Variants in NRF1 observed in about 807,000 individuals in gnomAD.
NRF1 encodes the protein nuclear respiratory factor 1.
A neutral mutation model predicts 58.5 loss-of-function variants in NRF1; 5 were observed. The observed-to-expected ratio is 0.09, with a 90% confidence interval of 0.04 to 0.18. NRF1 has a LOEUF of 0.18. NRF1 is among the 10% of genes least tolerant of loss of function. NRF1 has a pLI of 1.00. For synonymous variants in NRF1, 224 were observed against 246.7 expected, an observed-to-expected ratio of 0.91 and a Z score of 0.86; for missense variants, 288 against 657.7, an observed-to-expected ratio of 0.44 and a Z score of 6.15.
intron 8 of NRF1, 57 bp from the exon 9 acceptor site, chr7:129,717,162 T>C: frequency 1.3e-6 from 2 of 1,518,982 alleles, no homozygotes; most frequent in Non-Finnish European, 1.8e-6. Context: ...AAAAATTACT[T>C]GTAAAATTGT....
chr7:129,682,081 C>CA (rs1362136184), intron 4 of NRF1, among the ~76,000 whole-genome samples: 1 of 57,644 alleles, frequency 1.7e-5, no homozygotes, highest in African/African-American at 3.4e-5. Flanking sequence ...GACCCTGTCT[C>CA]AATCAGTTAG....
chr7:129,713,793 GAA>G (rs1803129121), intron 8 of NRF1, among the ~76,000 whole-genome samples: 1 of 152,200 alleles, frequency 6.6e-6, no homozygotes, highest in South Asian at 2.1e-4. Flanking sequence ...ATTGTCTCAG[GAA>G]ACACTTCCCA....
At chr7:129,685,116 T>A (rs536076748) in intron 4 of NRF1, among the ~76,000 whole-genome samples, 27 of 152,202 alleles carry the variant, frequency 1.8e-4, no homozygotes, top group South Asian at 6.2e-4. Flanking sequence ...GTAGAAAATT[T>A]AAAAAAAAAT....
rs924498676 is a variant in NRF1 at position 129,636,774 on chromosome 7, A to G, written c.-6-20572A>G. ...GTTTGTGTTGCTTCGATAGATACGT[A>G]TGGCTAAACATAAACCTTAGACAAT... On this transcript the variant is annotated intron_variant, in intron 1 of 10. Transcript: ENST00000393232. 1.9e-4 allele frequency among the ~76,000 whole-genome samples: 29 copies of G among 152,184 alleles called. 1 individual carries two copies. The highest frequency in any genetic ancestry group is 7.0e-4 in the African/African-American group (29 of 41,436).
intron 1 of NRF1, among the ~76,000 whole-genome samples, chr7:129,634,987 C>T (rs73466651): frequency 0.017 from 2,525 of 152,028 alleles, 65 homozygotes; most frequent in African/African-American, 0.058. Context: ...TTTCCTTTTC[C>T]ATGTGTTTTT....
chr7:129,630,604 G>A (rs1214025401), intron 1 of NRF1, among the ~76,000 whole-genome samples: 1 of 152,148 alleles, frequency 6.6e-6, no homozygotes, highest in African/African-American at 2.4e-5. Flanking sequence ...TGCTTTCTAA[G>A]TAATATGTTG....
intron 10 of NRF1, among the ~76,000 whole-genome samples, chr7:129,729,831 CTTTTTG>C (rs773273865): frequency 2.0e-5 from 3 of 152,028 alleles, no homozygotes; most frequent in South Asian, 2.1e-4. Flanking sequence ...TTTGTTGCTT[CTTTTTG>C]TTTTTGTTTT....
Position 129,674,874 on chromosome 7 carries a change from G to A in NRF1, c.339-2758G>A, listed in dbSNP as rs62489296. Among the ~76,000 whole-genome samples the A allele has an allele frequency of 6.0e-3, 906 of 152,218 alleles. 2 individuals are homozygous for A. Among genetic ancestry groups the A allele is most frequent in the Non-Finnish European group, 8.2e-3 (556 of 68,008 alleles). On this transcript the variant is annotated intron_variant, in intron 3 of 10. Coordinates refer to ENST00000393232, the MANE Select transcript of NRF1 (RefSeq NM_005011.5). ...GGTGGTTGTTGCTGAAGGTTGGGGT[G>A]GCTGCGGCAATTTCTTAAAAATAAT...
chr7:129,708,601 C>T (rs1803003607), intron 5 of NRF1, among the ~76,000 whole-genome samples: 1 of 152,116 alleles, frequency 6.6e-6, no homozygotes, highest in African/African-American at 2.4e-5. Context: ...CATTTGATCT[C>T]TTTGGAATTC....
chr7:129,682,253 G>T (rs1370852577), intron 4 of NRF1, among the ~76,000 whole-genome samples: 2 of 152,114 alleles, frequency 1.3e-5, no homozygotes, highest in Non-Finnish European at 2.9e-5. Flanking sequence ...GAGGCCAGGA[G>T]TTTGAGACCA....
chr7:129,714,299 T>TA (rs767674677), intron 8 of NRF1, among the ~76,000 whole-genome samples: 13 of 152,226 alleles, frequency 8.5e-5, no homozygotes, highest in Non-Finnish European at 1.5e-4. Flanking sequence ...AATATAGTTG[T>TA]AACTAAAAGT....
In NRF1 at chr7:129,668,720, G is replaced by A. The variant is rs61331024; in HGVS notation, c.224-2709G>A. Among the ~76,000 whole-genome samples, 3,170 of 152,276 alleles carry A rather than the reference G, an allele frequency of 0.021. 242 individuals are homozygous for A. In the East Asian group the frequency reaches 0.26, roughly 12 times the overall value. On this transcript the variant is annotated intron_variant, in intron 2 of 10. Coordinates refer to ENST00000393232, the MANE Select transcript of NRF1 (RefSeq NM_005011.5). ...TGAATCTAGAAACATTATTCTAAGT[G>A]AAGTTTTAAGTGAAAGAGTATTACT...
In NRF1 at chr7:129,639,640, T is replaced by C. The variant is rs980731130; in HGVS notation, c.-6-17706T>C. Among the ~76,000 whole-genome samples, 15 of 149,680 alleles carry C rather than the reference T, an allele frequency of 1.0e-4. No homozygotes were observed. In the East Asian group the frequency reaches 2.8e-3, roughly 28 times the overall value. On this transcript the variant is annotated intron_variant, in intron 1 of 10. Transcript: ENST00000393232. ...AGGGCTCACTGCAACCTCCACCTCCTGGGTTCAAGCCATTCTCCTGCCTCA... is the reference window on the plus strand; with the variant it reads ...AGGGCTCACTGCAACCTCCACCTCCCGGGTTCAAGCCATTCTCCTGCCTCA...
intron 10 of NRF1, chr7:129,735,199 C>T (rs1803678412): frequency 2.0e-6 from 2 of 985,314 alleles, no homozygotes. Context: ...CCTCCCTCCT[C>T]ATGTTCTGAA....
Position 129,710,421 on chromosome 7 carries a change from A to G in NRF1, c.813A>G (p.Lys271=). 1 of 1,614,204 alleles carries G rather than the reference A, an allele frequency of 6.2e-7. No individual in the cohort carries two copies. Among genetic ancestry groups the G allele is most frequent in the Non-Finnish European group, 8.5e-7 (1 of 1,180,034 alleles). ...ALRTIVKNCY[K]QHGREDLLYA... Reference sequence around the variant, plus strand: ...GGACCATAGTTAAAAACTGTTATAAACAGCATGGGCGGGAAGACCTTTTGT... The same window carrying G: ...GGACCATAGTTAAAAACTGTTATAAGCAGCATGGGCGGGAAGACCTTTTGT... Residue 271 remains lysine, a synonymous_variant, in exon 7 of 11, where the codon AAA becomes AAG. Transcript: ENST00000393232.
chr7:129,667,599 T>C (rs1364068008), intron 2 of NRF1, among the ~76,000 whole-genome samples: 1 of 151,938 alleles, frequency 6.6e-6, no homozygotes, highest in African/African-American at 2.4e-5. Flanking sequence ...ATTTATATTA[T>C]TGTGAAATTT....
chr7:129,697,793 G>A (rs1313868143), intron 5 of NRF1, among the ~76,000 whole-genome samples: 2 of 151,924 alleles, frequency 1.3e-5, no homozygotes, highest in African/African-American at 2.4e-5. Flanking sequence ...GGAGTGAAAT[G>A]GTGCGATCTC....
At chr7:129,705,741 C>G (rs757822299) in intron 5 of NRF1, among the ~76,000 whole-genome samples, 1 of 151,848 alleles carries the variant, frequency 6.6e-6, no homozygotes, top group Non-Finnish European at 1.5e-5. Flanking sequence ...TGTAGGGAGA[C>G]CCCTTCTCTA....
chr7:129,728,561 C>T (rs561020459), intron 10 of NRF1, among the ~76,000 whole-genome samples: 4 of 150,436 alleles, frequency 2.7e-5, no homozygotes, highest in African/African-American at 7.3e-5. Context: ...TCCTTAATGG[C>T]ATTAGTGGCA....
Sources: gnomAD v4.1 joint callset for allele counts (sites outside exome capture counted in the v4.1 genomes callset) on GRCh38, gnomAD v4.1.1 for gene constraint, MANE v1.5 for transcripts, NCBI Gene and HGNC (gene_info 2026-07-23, HGNC 2026-07-21) for gene names.